CRACR2A: variants seen among roughly 807,000 people sequenced by gnomAD.
The protein encoded by CRACR2A is calcium release activated channel regulator 2A, also known as EF-hand calcium-binding domain-containing protein 4B.
Under a neutral mutation model 90.5 loss-of-function variants are expected in CRACR2A, and 79 were observed. That is an observed-to-expected ratio of 0.87 (90% confidence interval 0.73 to 1.05). CRACR2A has a LOEUF of 1.05. Ranked by LOEUF, CRACR2A falls within the 50% of genes least tolerant of loss-of-function variation. The pLI is 0.00. For synonymous variants in CRACR2A, 338 were observed against 356.7 expected, an observed-to-expected ratio of 0.95 and a Z score of 0.59; for missense variants, 823 against 897.2, an observed-to-expected ratio of 0.92 and a Z score of 1.06.
chr12:3,654,344 T>G lies in CRACR2A; in HGVS notation c.914A>C (p.Asn305Thr), dbSNP rs1421911523. Residue 305 changes from asparagine to threonine, a missense_variant, in exon 10 of 20, where the codon AAT becomes ACT. Asn to Thr is a moderately conservative substitution (Grantham distance 65, BLOSUM62 0). Transcript: ENST00000440314. ...HHDKHETKAE[N>T]TKLKLTNQEL... is the part of the protein sequence containing the mutation. The stretch of plus-strand genomic sequence containing the variant: ...CTGGTTAGTGAGTTTCAGCTTGGTA[T>G]TCTCAGCCTTGGTCTCATGCTTGTC... 1 of 1,613,926 alleles carries G rather than the reference T, an allele frequency of 6.2e-7. No homozygotes were observed. Among genetic ancestry groups the G allele is most frequent in the South Asian group, 1.1e-5 (1 of 91,060 alleles).
chr12:3,704,849 C>T (rs974973445), intron 3 of CRACR2A, among the ~76,000 whole-genome samples: 3 of 152,236 alleles, frequency 2.0e-5, no homozygotes, highest in Admixed American at 2.0e-4. Flanking sequence ...GACCACTGAT[C>T]TAACACGACT....
intron 3 of CRACR2A, among the ~76,000 whole-genome samples, chr12:3,697,314 A>C (rs893612823): frequency 2.0e-5 from 3 of 152,150 alleles, no homozygotes; most frequent in African/African-American, 7.2e-5. Context: ...CCCAAAAATA[A>C]TTTCTTCCCA....
intron 1 of CRACR2A, among the ~76,000 whole-genome samples, chr12:3,744,435 C>A (rs1209178599): frequency 6.6e-6 from 1 of 152,180 alleles, no homozygotes; most frequent in Non-Finnish European, 1.5e-5. Flanking sequence ...TGACTCTGTA[C>A]AATGACACCC....
Position 3,746,269 on chromosome 12 carries a change from A to G in CRACR2A, c.-387+6746T>C, listed in dbSNP as rs1042076871. Among the ~76,000 whole-genome samples the G allele has an allele frequency of 6.6e-6, 1 of 152,030 alleles. No homozygotes were observed. Among genetic ancestry groups the G allele is most frequent in the African/African-American group, 2.4e-5 (1 of 41,378 alleles). ...GATGGTATTTGGAGGTGAGGACTTT[A>G]GGAGGTGATTAGGTTTAGATGAGGT... On this transcript the variant is annotated intron_variant, in intron 1 of 19. Coordinates refer to ENST00000440314, the MANE Select transcript of CRACR2A (RefSeq NM_001144958.2). The surrounding 1 kb of genome is among the most constrained non-coding windows in gnomAD (Gnocchi z 4.4).
chr12:3,680,111 G>A (rs553801160), intron 5 of CRACR2A, 127 bp downstream of exon 5: 4 of 686,824 alleles, frequency 5.8e-6, no homozygotes. Flanking sequence ...TTGAGCTCCA[G>A]GTCCCTGAAA....
intron 3 of CRACR2A, among the ~76,000 whole-genome samples, chr12:3,701,169 A>T (rs1020689250): frequency 1.3e-5 from 2 of 152,092 alleles, no homozygotes; most frequent in East Asian, 3.8e-4. Context: ...AATGGAAAAA[A>T]AAAAGCACAA....
chr12:3,684,246 C>T (rs1030248323), intron 4 of CRACR2A, among the ~76,000 whole-genome samples: 1 of 152,208 alleles, frequency 6.6e-6, no homozygotes, highest in African/African-American at 2.4e-5. Context: ...GCACCAACCA[C>T]CCTCTTCCCT....
intron 17 of CRACR2A, among the ~76,000 whole-genome samples, chr12:3,625,001 C>G (rs1386816097): frequency 6.6e-6 from 1 of 152,142 alleles, no homozygotes; most frequent in South Asian, 2.1e-4. Flanking sequence ...GGCCTCTGTT[C>G]CCTTTAAAAG....
chr12:3,638,602 C>A (rs1018099573), intron 13 of CRACR2A, 148 bp from the exon 14 acceptor site: 15 of 875,200 alleles, frequency 1.7e-5, no homozygotes, highest in Non-Finnish European at 2.4e-5. Context: ...AACAAACCAG[C>A]CAGCATTCTG....
rs1946624475 is a variant in CRACR2A, at chr12:3,746,300, G to C, written c.-387+6715C>G. Among the ~76,000 whole-genome samples the C allele has an allele frequency of 6.6e-6, 1 of 152,020 alleles. No individual in the cohort carries two copies. The highest frequency in any genetic ancestry group is 1.5e-5 in the Non-Finnish European group (1 of 67,940). ...TGATTAGGTTTAGATGAGGTCATGA[G>C]GGTGGGGCCCTCATGATGGGATTAG... is the stretch of plus-strand genomic sequence containing the variant. On this transcript the variant is annotated intron_variant, in intron 1 of 19. Transcript: ENST00000440314. This position sits in a 1 kb window ranked among gnomAD's most constrained non-coding sequence, Gnocchi z 4.4.
rs1171087377 is a variant in CRACR2A, at chr12:3,619,474, C to T, written c.1933-102G>A. The stretch of plus-strand genomic sequence containing the variant: ...GACAGATGGGACCTCGCTTGAGAAT[C>T]CCCTGCTGCCATAAAAGGTGAGGCC... On this transcript the variant is annotated intron_variant, in intron 17 of 19. Coordinates refer to ENST00000440314, the MANE Select transcript of CRACR2A (RefSeq NM_001144958.2). The T allele has an allele frequency of 4.6e-6, 4 of 860,424 alleles. No homozygotes were observed. The African/African-American group carries it at 6.7e-5, about 14-fold the overall frequency. The allele number at this position is 860,424 out of a possible 1,614,324, so 53.3% of individuals were successfully genotyped here. A position where few individuals can be genotyped will look rare whatever the true frequency, so the allele number is the denominator to read the frequency against.
intron 2 of CRACR2A, chr12:3,727,414 C>T (rs1185693113): frequency 1.3e-5 from 2 of 152,130 alleles, no homozygotes; most frequent in East Asian, 3.8e-4. Flanking sequence ...GTTTGAGGCG[C>T]CTCTGCTAAT....
At position 3,660,272 on chromosome 12, in the gene CRACR2A, C is replaced by T. The variant is rs1251421037; in HGVS notation, c.672-618G>A. Among the ~76,000 whole-genome samples the T allele has an allele frequency of 2.6e-5, 4 of 152,134 alleles. No homozygotes were observed. The East Asian group carries it at 7.7e-4, about 29-fold the overall frequency. ...CAACAAGAGCTACCACACCCCCCAC[C>T]ACAAAGCAAAAGCGACAATGTCTAG... On this transcript the variant is annotated intron_variant, in intron 7 of 19. Transcript: ENST00000440314.
At chr12:3,719,271 A>G (rs1244365254) in intron 2 of CRACR2A, among the ~76,000 whole-genome samples, 1 of 152,172 alleles carries the variant, frequency 6.6e-6, no homozygotes, top group Admixed American at 6.5e-5. Context: ...TTTTTTAAAA[A>G]AAGCATATTC....
At chr12:3,664,819 C>T (rs1945099363) in intron 7 of CRACR2A, among the ~76,000 whole-genome samples, 1 of 152,166 alleles carries the variant, frequency 6.6e-6, no homozygotes, top group Admixed American at 6.5e-5. Flanking sequence ...CCAGCCTGAC[C>T]AACATGGCGA....
chr12:3,739,992 G>C (rs1265311780), intron 1 of CRACR2A, among the ~76,000 whole-genome samples: 1 of 151,630 alleles, frequency 6.6e-6, no homozygotes. Context: ...CCAGATTCTA[G>C]ATGAACTCAC....
intron 1 of CRACR2A, among the ~76,000 whole-genome samples, chr12:3,745,124 C>A (rs1406750710): frequency 6.6e-6 from 1 of 152,072 alleles, no homozygotes; most frequent in Non-Finnish European, 1.5e-5. Flanking sequence ...AGATGCCACA[C>A]CAAAGGCCCT....
At chr12:3,668,301 C>A (rs1284075236) in intron 7 of CRACR2A, among the ~76,000 whole-genome samples, 1 of 152,200 alleles carries the variant, frequency 6.6e-6, no homozygotes, top group African/African-American at 2.4e-5. Context: ...TCTGGAAGAA[C>A]TGGCTAAAGC....
chr12:3,648,602 C>A lies in CRACR2A; in HGVS notation c.1058G>T (p.Arg353Leu), dbSNP rs763119535. The change falls in exon 11 of 20, where the codon CGT (arginine) becomes CTT (leucine). Residue 353 changes from arginine to leucine, a missense_variant. Transcript: ENST00000440314. ...LHQEKEMEVY[R>L]VTESLQREKA... ...CTCACGCTGTAGACTCTCCGTCACA[C>A]GGTACACTTCCCTGAGGAGGAGGCA... 6.2e-7 allele frequency: 1 copy of A among 1,613,848 alleles called. No homozygotes were observed. The highest frequency in any genetic ancestry group is 2.2e-5 in the East Asian group (1 of 44,876).
Sources: allele counts gnomAD v4.1 joint callset (sites outside exome capture counted in the v4.1 genomes callset), GRCh38; gene constraint gnomAD v4.1.1; non-coding constraint Gnocchi (gnomAD v3.1); transcripts MANE v1.5; gene names NCBI Gene and HGNC (gene_info 2026-07-23, HGNC 2026-07-21).